The following IFT122 variants were observed in gnomAD, a reference collection of about 807,000 sequenced individuals.
IFT122 encodes the protein intraflagellar transport protein 122 homolog.
Under a neutral mutation model 161.6 loss-of-function variants are expected in IFT122, and 118 were observed. The observed-to-expected ratio is 0.73, with a 90% CI of 0.63 to 0.85. The LOEUF (loss-of-function observed/expected upper bound fraction) is 0.85. Among genes scored for constraint, IFT122 ranks in the 40% least tolerant of loss-of-function variants. IFT122 has a pLI of 0.00. For synonymous variants in IFT122, 550 were observed against 602.4 expected (o/e 0.91, Z 1.27); for missense variants, 1,381 against 1,579.6 (o/e 0.87, Z 2.13).
chr3:129,483,016 C>A (rs1200082436), intron 14 of IFT122, among the ~76,000 whole-genome samples: 9 of 152,188 alleles, frequency 5.9e-5, no homozygotes, highest in African/African-American at 2.2e-4. Flanking sequence ...CTATGGCAGG[C>A]TAGGGGAGGT....
intron 21 of IFT122, among the ~76,000 whole-genome samples, chr3:129,506,198 G>T (rs770821151): frequency 1.1e-4 from 17 of 152,082 alleles, no homozygotes; most frequent in Non-Finnish European, 1.9e-4. Flanking sequence ...CCTTTTCCCA[G>T]CCAAAAAGGA....
At chr3:129,501,585 T>C in intron 19 of IFT122, among the ~76,000 whole-genome samples, 1 of 152,264 alleles carries the variant, frequency 6.6e-6, no homozygotes, top group East Asian at 1.9e-4. Flanking sequence ...GGTGCTCTGT[T>C]CTCTCTTCTG....
chr3:129,440,256 C>A lies in IFT122; in HGVS notation c.-75C>A. 2 of 1,535,742 alleles carry A rather than the reference C, an allele frequency of 1.3e-6. No homozygotes were observed. The highest frequency in any genetic ancestry group is 1.8e-6 in the Non-Finnish European group (2 of 1,137,522). On this transcript the variant is annotated 5_prime_UTR_variant, in exon 1 of 30. Transcript: ENST00000348417. ...GTAGCCAAAGTGGCTTGTGGAGTGG[C>A]GACCGTTAGTGAGGCGGTTGCTGAG...
chr3:129,479,734 G>C, intron 12 of IFT122, 51 bp from the exon 13 acceptor site: 1 of 1,611,512 alleles, frequency 6.2e-7, no homozygotes. Flanking sequence ...GGGGAGGTCT[G>C]GGGGCACTTA....
chr3:129,495,977 C>T (rs1235797079), intron 18 of IFT122, among the ~76,000 whole-genome samples: 3 of 152,254 alleles, frequency 2.0e-5, no homozygotes, highest in Admixed American at 6.5e-5. Context: ...TCGGTGTCTT[C>T]AGGCAGGAGC....
chr3:129,476,678 G>T lies in IFT122; in HGVS notation c.1024G>T (p.Asp342Tyr). 6.2e-7 allele frequency: 1 copy of T among 1,614,224 alleles called. No individual in the cohort carries two copies. Among genetic ancestry groups the T allele is most frequent in the Non-Finnish European group, 8.5e-7 (1 of 1,180,044 alleles). The change falls in exon 11 of 30, where the codon GAC (aspartate) becomes TAC (tyrosine). Residue 342 changes from aspartate (D) to tyrosine (Y), a missense_variant. Asp to Tyr is a radical substitution (Grantham distance 160, BLOSUM62 -3). Around this residue, in one of 7 missense-constraint regions of IFT122, gnomAD observed 544 missense variants for 648.0 expected, o/e 0.84. Coordinates refer to ENST00000348417, the MANE Select transcript of IFT122 (RefSeq NM_052989.3). ...DSNYVVVGCQ[D>Y]GTISFYQLIF... ...CACCCCGCAGGTGGTCGGCTGCCAG[G>T]ACGGCACCATTTCCTTCTACCAGCT... is the stretch of plus-strand genomic sequence containing the variant.
intron 27 of IFT122, among the ~76,000 whole-genome samples, chr3:129,518,221 G>C (rs1032117450): frequency 6.6e-6 from 1 of 152,234 alleles, no homozygotes; most frequent in Non-Finnish European, 1.5e-5. Flanking sequence ...GAAACAGCCA[G>C]CTTTCCTCTC....
At chr3:129,515,156 C>T (rs1239436455) in intron 25 of IFT122, 3 of 471,910 alleles carry the variant, frequency 6.4e-6, no homozygotes, top group Non-Finnish European at 7.8e-6. Flanking sequence ...GTATAGTCCA[C>T]GTGCTCCGCA....
chr3:129,473,512 G>C (rs1310970188), intron 9 of IFT122, among the ~76,000 whole-genome samples: 2 of 152,156 alleles, frequency 1.3e-5, no homozygotes. Flanking sequence ...TGTTTAAGCA[G>C]GCAGTTTACT....
At chr3:129,497,299 C>G (rs965565389) in intron 18 of IFT122, among the ~76,000 whole-genome samples, 2 of 152,144 alleles carry the variant, frequency 1.3e-5, no homozygotes. Flanking sequence ...GGCCTTGGTG[C>G]CCCAGAGCTG....
intron 24 of IFT122, 29 bp downstream of exon 24, chr3:129,512,441 C>T: frequency 6.9e-7 from 1 of 1,454,190 alleles, no homozygotes; most frequent in Non-Finnish European, 9.7e-7. Context: ...CTCCTCCGTC[C>T]CACCACCGTT....
chr3:129,476,517 A>G lies in IFT122; in HGVS notation c.1008+11A>G. On this transcript the variant is annotated intron_variant, in intron 10 of 29. Coordinates refer to ENST00000348417, the MANE Select transcript of IFT122 (RefSeq NM_052989.3). ...GATTCCAACTATGTGGTAAGAAGAG[A>G]AAGTTTGTTCTGTGGGGCCATGGCT... 2 of 1,614,044 alleles carry G rather than the reference A, an allele frequency of 1.2e-6. No homozygotes were observed. The highest frequency in any genetic ancestry group is 1.7e-6 in the Non-Finnish European group (2 of 1,180,034).
rs565352604 is a variant in IFT122, at chr3:129,478,597, A to G, written c.1350+379A>G. Among the ~76,000 whole-genome samples, 5 of 152,208 alleles carry G rather than the reference A, an allele frequency of 3.3e-5. No individual in the cohort carries two copies. The East Asian group carries it at 9.7e-4, about 29-fold the overall frequency. On this transcript the variant is annotated intron_variant, in intron 12 of 29. Coordinates refer to ENST00000348417, the MANE Select transcript of IFT122 (RefSeq NM_052989.3). The stretch of plus-strand genomic sequence containing the variant: ...GTAGCTGGCACCACAGGCACATGCC[A>G]CCACACCCAACTAATTTTTTATTTT...
chr3:129,495,648 C>T, intron 18 of IFT122, 41 bp downstream of exon 18: 1 of 1,609,448 alleles, frequency 6.2e-7, no homozygotes. Flanking sequence ...AGCTTGGAGC[C>T]CACTGGTATT....
chr3:129,462,090 C>T (rs968421553), intron 5 of IFT122, among the ~76,000 whole-genome samples: 3 of 152,138 alleles, frequency 2.0e-5, no homozygotes, highest in African/African-American at 4.8e-5. Flanking sequence ...CTCACTGATA[C>T]GGTTCTGGTT....
intron 8 of IFT122, among the ~76,000 whole-genome samples, chr3:129,467,735 A>G (rs1376234926): frequency 6.6e-6 from 1 of 152,200 alleles, no homozygotes; most frequent in Non-Finnish European, 1.5e-5. Context: ...TGGGGTAGCC[A>G]GGATATCTCA....
rs144875186 is a variant in IFT122 at position 129,519,438 on chromosome 3, G to C, written c.3472-130G>C. Reference sequence around the variant, plus strand: ...GCTCTGGTGGGAGGAGCTTGCCACTGTTAGGGTCACCTGGGTTTAGGAAGC... The same window carrying C: ...GCTCTGGTGGGAGGAGCTTGCCACTCTTAGGGTCACCTGGGTTTAGGAAGC... On this transcript the variant is annotated intron_variant, in intron 28 of 29. Transcript: ENST00000348417. 2.2e-4 allele frequency: 295 copies of C among 1,319,294 alleles called. 1 individual carries two copies. In the East Asian group the frequency reaches 5.4e-3, roughly 24 times the overall value. 81.7% of individuals were successfully genotyped at this position (1,319,294 alleles called of 1,614,324 possible).
rs75352500 is a variant in IFT122, at chr3:129,455,587, T to A, written c.194-3012T>A. Among the ~76,000 whole-genome samples the A allele has an allele frequency of 1.1e-4, 16 of 152,234 alleles. No individual in the cohort carries two copies. The East Asian group carries it at 1.2e-3, about 11-fold the overall frequency. ...ATAATAGAAATAGCTAATTTTTTTT[T>A]AATTCTATTCCAGGCCCAGTTCTAA... On this transcript the variant is annotated intron_variant, in intron 3 of 29. Coordinates refer to ENST00000348417, the MANE Select transcript of IFT122 (RefSeq NM_052989.3).
intron 18 of IFT122, among the ~76,000 whole-genome samples, chr3:129,499,548 G>A (rs1660131547): frequency 6.6e-6 from 1 of 152,230 alleles, no homozygotes; most frequent in African/African-American, 2.4e-5. Context: ...GAGAGAGACA[G>A]CCTGATCATG....
Sources: allele counts gnomAD v4.1 joint callset (sites outside exome capture counted in the v4.1 genomes callset), GRCh38; gene constraint gnomAD v4.1.1; regional missense constraint gnomAD v4.1.1; transcripts MANE v1.5; gene names NCBI Gene and HGNC (gene_info 2026-07-23, HGNC 2026-07-21).